Variants in MKLN1 observed in about 807,000 individuals in gnomAD.
The protein encoded by MKLN1 is muskelin 1.
A neutral mutation model predicts 99.0 loss-of-function variants in MKLN1; 18 were observed. The observed-to-expected ratio is 0.18, with a 90% CI of 0.13 to 0.27. The LOEUF is 0.27. Ranked by LOEUF, MKLN1 falls within the 10% of genes least tolerant of loss-of-function variation. The probability of loss-of-function intolerance (pLI) is 1.00; values close to 1 mark genes in which losing one functional copy is unlikely to be tolerated. For missense variants in MKLN1, 621 were observed against 875.9 expected (o/e 0.71, Z 3.67); for synonymous variants, 288 against 293.2 (o/e 0.98, Z 0.18).
At chr7:131,229,027 G>C (rs928937381) in intron 3 of MKLN1, among the ~76,000 whole-genome samples, 8 of 152,186 alleles carry the variant, frequency 5.3e-5, no homozygotes, top group Non-Finnish European at 1.0e-4. Flanking sequence ...TTTTGGAGAG[G>C]CAGGGGTTAC....
rs543742923 is a variant in MKLN1, at chr7:131,275,504, G to A, written c.-179+72530G>A. On this transcript the variant is annotated intron_variant, in intron 3 of 7. Transcript: ENST00000416992. ...CTGCCTCAGCCTCCCGAGCAGCTGC[G>A]ACTACAGGCATGCACTACAACGCCC... Among the ~76,000 whole-genome samples, 3 of 117,730 alleles carry A rather than the reference G, an allele frequency of 2.5e-5. No individual in the cohort carries two copies. The East Asian group carries it at 7.3e-4, about 29-fold the overall frequency. 77.2% of individuals were successfully genotyped at this position (117,730 alleles called of 152,430 possible).
intron 8 of MKLN1, 66 bp from the exon 9 acceptor site, chr7:131,428,967 C>T: frequency 7.8e-7 from 1 of 1,275,520 alleles, no homozygotes; most frequent in Non-Finnish European, 1.1e-6. Flanking sequence ...AAACAGCTGG[C>T]TAGGTTTGGG....
At chr7:131,397,941 A>G (rs892316379) in intron 5 of MKLN1, among the ~76,000 whole-genome samples, 2 of 152,158 alleles carry the variant, frequency 1.3e-5, no homozygotes, top group African/African-American at 4.8e-5. Context: ...TTTAGAGGCC[A>G]AGAGTAAGTT....
intron 2 of MKLN1, among the ~76,000 whole-genome samples, chr7:131,186,976 C>A (rs1025800439): frequency 6.6e-6 from 1 of 152,130 alleles, no homozygotes; most frequent in Non-Finnish European, 1.5e-5. Context: ...GTGTTCCAGG[C>A]AGAAGGAACA....
intron 1 of MKLN1, 180 bp downstream of exon 1, chr7:131,328,177 G>A: frequency 1.3e-6 from 1 of 770,356 alleles, no homozygotes; most frequent in Non-Finnish European, 2.0e-6. Flanking sequence ...CTCGGGAAGG[G>A]GTTAGGGTCC....
intron 2 of MKLN1, among the ~76,000 whole-genome samples, chr7:131,385,059 T>A (rs1452071992): frequency 2.6e-5 from 4 of 152,212 alleles, no homozygotes; most frequent in African/African-American, 9.6e-5. Context: ...TCAGCCCAGT[T>A]TTTGACAACC....
intron 1 of MKLN1, among the ~76,000 whole-genome samples, chr7:131,122,432 T>G (rs1391648811): frequency 6.6e-6 from 1 of 152,220 alleles, no homozygotes; most frequent in Admixed American, 6.5e-5. Flanking sequence ...AGAAGTGATA[T>G]TCACCTGTGT....
At position 131,375,451 on chromosome 7, in the gene MKLN1, C is replaced by G. The variant is rs141715120; in HGVS notation, c.126C>G (p.Asp42Glu). 1.2e-6 allele frequency: 2 copies of G among 1,611,254 alleles called. No homozygotes were observed. Among genetic ancestry groups the G allele is most frequent in the African/African-American group, 2.7e-5 (2 of 74,818 alleles). The change falls in exon 2 of 18, where the codon GAC (aspartate) becomes GAG (glutamate). Residue 42 changes from aspartate to glutamate, a missense_variant. By Grantham distance (45) the Asp-to-Glu change is conservative. Around this residue, in one of 8 missense-constraint regions of MKLN1, gnomAD observed 6 missense variants for 23.3 expected, o/e 0.26. Transcript: ENST00000352689. ...ACATTTTAGTGGACAAACCAAATGACCAATCTTCAAGATGGTCTTCAGAGA... is the reference window on the plus strand; with the variant it reads ...ACATTTTAGTGGACAAACCAAATGAGCAATCTTCAAGATGGTCTTCAGAGA... ...PENILVDKPN[D>E]QSSRWSSESN...
intron 2 of MKLN1, among the ~76,000 whole-genome samples, chr7:131,191,795 C>A (rs1300551739): frequency 6.7e-6 from 1 of 148,992 alleles, no homozygotes; most frequent in Non-Finnish European, 1.5e-5. Context: ...CTCACTGCAA[C>A]CTCCGCCTCC....
intron 1 of MKLN1, among the ~76,000 whole-genome samples, chr7:131,136,830 C>T (rs1413406237): frequency 2.0e-5 from 3 of 152,164 alleles, no homozygotes; most frequent in Non-Finnish European, 2.9e-5. Context: ...TCTGGGAGGA[C>T]CTTCTGCAGG....
At chr7:131,466,237 A>C in intron 14 of MKLN1, 39 bp from the exon 15 acceptor site, 2 of 1,503,196 alleles carry the variant, frequency 1.3e-6, no homozygotes, top group Middle Eastern at 1.8e-4. Flanking sequence ...TTGGGTATGC[A>C]TGCATTTTTA....
At chr7:131,427,091 G>A (rs977803109) in intron 8 of MKLN1, among the ~76,000 whole-genome samples, 2 of 152,152 alleles carry the variant, frequency 1.3e-5, no homozygotes, top group Admixed American at 6.6e-5. Flanking sequence ...GAGCTTAAAT[G>A]ACCTGTACTG....
chr7:131,427,306 T>G (rs1395750042), intron 8 of MKLN1, among the ~76,000 whole-genome samples: 1 of 152,228 alleles, frequency 6.6e-6, no homozygotes, highest in Non-Finnish European at 1.5e-5. Context: ...GCAAAAGGTT[T>G]TCTTAAATAG....
intron 3 of MKLN1, among the ~76,000 whole-genome samples, chr7:131,210,941 A>C (rs1584837505): frequency 6.6e-6 from 1 of 151,386 alleles, no homozygotes; most frequent in East Asian, 2.0e-4. Context: ...GCTCAGTCTG[A>C]GGAACAGGCA....
intron 1 of MKLN1, chr7:131,328,272 C>G (rs1175608040): frequency 2.3e-6 from 1 of 437,224 alleles, no homozygotes; most frequent in Non-Finnish European, 4.2e-6. Flanking sequence ...CGGTTCTGCG[C>G]TTGGGATTTG....
At chr7:131,465,541 A>C (rs1185310310) in intron 14 of MKLN1, among the ~76,000 whole-genome samples, 1 of 152,042 alleles carries the variant, frequency 6.6e-6, no homozygotes, top group Non-Finnish European at 1.5e-5. Context: ...TAAGATGTTA[A>C]AATTTTTTTT....
At chr7:131,483,086 C>T (rs1797170156) in intron 17 of MKLN1, among the ~76,000 whole-genome samples, 1 of 152,180 alleles carries the variant, frequency 6.6e-6, no homozygotes, top group South Asian at 2.1e-4. Flanking sequence ...GTTACTTCCT[C>T]TTTCCATTTT....
chr7:131,112,588 T>C (rs1391299785), intron 1 of MKLN1, among the ~76,000 whole-genome samples: 1 of 152,228 alleles, frequency 6.6e-6, no homozygotes, highest in Non-Finnish European at 1.5e-5. Context: ...TTATTTATTA[T>C]GACAACGTGT....
intron 3 of MKLN1, among the ~76,000 whole-genome samples, chr7:131,221,349 T>C (rs1797056822): frequency 6.6e-6 from 1 of 152,156 alleles, no homozygotes; most frequent in South Asian, 2.1e-4. Context: ...CCCTGCCTAG[T>C]GCTGGAGGAG....
Sources: gnomAD v4.1 joint callset for allele counts (sites outside exome capture counted in the v4.1 genomes callset) on GRCh38, gnomAD v4.1.1 for gene constraint, gnomAD v4.1.1 regional missense constraint, MANE v1.5 for transcripts, NCBI Gene and HGNC (gene_info 2026-07-23, HGNC 2026-07-21) for gene names.